CPQ: variants seen among roughly 807,000 people sequenced by gnomAD.
The protein encoded by CPQ is carboxypeptidase Q.
Under a neutral mutation model 45.7 loss-of-function variants are expected in CPQ, and 37 were observed. The ratio of observed to expected loss-of-function variants is 0.81; its 90% CI spans 0.62 to 1.07. The LOEUF (loss-of-function observed/expected upper bound fraction) is 1.07. Ranked by LOEUF, CPQ falls within the 50% of genes least tolerant of loss-of-function variation. The pLI, the probability that CPQ is intolerant of heterozygous loss-of-function variation, is 0.00. For synonymous variants in CPQ, 186 were observed against 205.8 expected (o/e 0.90, Z 0.82); for missense variants, 537 against 572.9 (o/e 0.94, Z 0.64).
chr8:96,738,923 G>A (rs1287839971), intron 1 of CPQ, among the ~76,000 whole-genome samples: 1 of 151,814 alleles, frequency 6.6e-6, no homozygotes, highest in Non-Finnish European at 1.5e-5. Flanking sequence ...ATAAACATAG[G>A]TGTGCATGTG....
chr8:97,130,059 A>G (rs1292874488), intron 7 of CPQ, among the ~76,000 whole-genome samples: 1 of 152,254 alleles, frequency 6.6e-6, no homozygotes, highest in Non-Finnish European at 1.5e-5. Flanking sequence ...ACCTCTTTAC[A>G]GCAGCTGGAT....
chr8:96,828,724 C>G (rs1362872017), intron 2 of CPQ, among the ~76,000 whole-genome samples: 2 of 152,002 alleles, frequency 1.3e-5, no homozygotes, highest in Non-Finnish European at 2.9e-5. Flanking sequence ...AAGGAAACAC[C>G]CAGTGATTAG....
At chr8:96,786,900 T>C (rs1373253147) in intron 2 of CPQ, among the ~76,000 whole-genome samples, 1 of 152,182 alleles carries the variant, frequency 6.6e-6, no homozygotes, top group Non-Finnish European at 1.5e-5. Context: ...TTTTAAAAGC[T>C]TTTTTAATGT....
At chr8:96,880,954 A>G (rs1334417980) in intron 4 of CPQ, among the ~76,000 whole-genome samples, 1 of 152,148 alleles carries the variant, frequency 6.6e-6, no homozygotes, top group Non-Finnish European at 1.5e-5. Context: ...TTGACTGAAG[A>G]AGGGCAGGAG....
intron 1 of CPQ, among the ~76,000 whole-genome samples, chr8:96,695,529 G>A (rs1015313477): frequency 5.3e-5 from 8 of 151,954 alleles, no homozygotes; most frequent in Non-Finnish European, 1.0e-4. Flanking sequence ...GAAAATTTTC[G>A]CAACCTACTC....
At chr8:96,991,066 A>G (rs1055201831) in intron 5 of CPQ, among the ~76,000 whole-genome samples, 1 of 152,178 alleles carries the variant, frequency 6.6e-6, no homozygotes, top group Non-Finnish European at 1.5e-5. Flanking sequence ...CTTGAGGCAG[A>G]GTGCCTTGGT....
intron 2 of CPQ, among the ~76,000 whole-genome samples, chr8:96,792,564 ATTATG>A (rs1810862302): frequency 6.6e-6 from 1 of 152,116 alleles, no homozygotes; most frequent in African/African-American, 2.4e-5. Flanking sequence ...TGTATGCCAT[ATTATG>A]TTATGTTTTA....
intron 4 of CPQ, among the ~76,000 whole-genome samples, chr8:96,904,843 T>A (rs1257631167): frequency 6.6e-6 from 1 of 152,116 alleles, no homozygotes; most frequent in Non-Finnish European, 1.5e-5. Context: ...ACAGTTCACA[T>A]GAAATAGAAT....
At chr8:96,703,460 A>G (rs995718702) in intron 1 of CPQ, among the ~76,000 whole-genome samples, 1 of 152,186 alleles carries the variant, frequency 6.6e-6, no homozygotes. Flanking sequence ...AGTAACACTC[A>G]AAATTTACAA....
intron 3 of CPQ, among the ~76,000 whole-genome samples, chr8:96,860,482 C>T (rs1458475596): frequency 3.3e-5 from 5 of 152,096 alleles, no homozygotes; most frequent in Non-Finnish European, 7.4e-5. Context: ...AATACCTTTT[C>T]CAATTCTCTG....
intron 4 of CPQ, among the ~76,000 whole-genome samples, chr8:96,883,623 G>T (rs1206876887): frequency 6.6e-6 from 1 of 152,168 alleles, no homozygotes; most frequent in Non-Finnish European, 1.5e-5. Context: ...GCCTGGAACC[G>T]CAGGGGACAT....
intron 4 of CPQ, among the ~76,000 whole-genome samples, chr8:96,920,484 A>C (rs1812791430): frequency 6.6e-6 from 1 of 152,134 alleles, no homozygotes; most frequent in African/African-American, 2.4e-5. Flanking sequence ...CATTGTGCTA[A>C]TTAGTCAGCC....
At chr8:96,887,902 T>C (rs182967008) in intron 4 of CPQ, among the ~76,000 whole-genome samples, 64 of 152,230 alleles carry the variant, frequency 4.2e-4, no homozygotes, top group African/African-American at 1.5e-3. Flanking sequence ...ACAAATTCAG[T>C]TTTATATGCC....
intron 3 of CPQ, among the ~76,000 whole-genome samples, chr8:96,854,530 CAAAAAAAAAAAAA>C (rs1156706371): frequency 3.5e-4 from 3 of 8,692 alleles, no homozygotes; most frequent in Admixed American, 2.3e-3. Flanking sequence ...GACTCCGTCT[CAAAAAAAAAAAAA>C]AAAAAAAAAA....
At chr8:96,702,485 G>A (rs1809476963) in intron 1 of CPQ, among the ~76,000 whole-genome samples, 1 of 152,194 alleles carries the variant, frequency 6.6e-6, no homozygotes, top group Admixed American at 6.5e-5. Flanking sequence ...GAAAGTTTAA[G>A]ATAATATCCC....
intron 7 of CPQ, among the ~76,000 whole-genome samples, chr8:97,121,586 T>G (rs919584857): frequency 3.3e-5 from 5 of 152,090 alleles, no homozygotes; most frequent in African/African-American, 1.2e-4. Flanking sequence ...AGACAGACAC[T>G]CAACATGTAA....
At chr8:97,107,466 C>G (rs1030461801) in intron 7 of CPQ, among the ~76,000 whole-genome samples, 4 of 152,250 alleles carry the variant, frequency 2.6e-5, no homozygotes, top group African/African-American at 9.6e-5. Flanking sequence ...CTTCTTCAAA[C>G]AACGATCCCC....
chr8:96,919,147 GGTT>G (rs1251235667), intron 4 of CPQ, among the ~76,000 whole-genome samples: 2 of 151,540 alleles, frequency 1.3e-5, no homozygotes, highest in Non-Finnish European at 2.9e-5. Context: ...TTGTGCTGTT[GGTT>G]GTTGTGAGAG....
chr8:96,857,336 C>T (rs1042156422), intron 3 of CPQ, among the ~76,000 whole-genome samples: 7 of 152,144 alleles, frequency 4.6e-5, no homozygotes, highest in African/African-American at 9.7e-5. Flanking sequence ...CACACAAAAA[C>T]CCCCGCCTCC....
Sources: gnomAD v4.1 joint callset for allele counts (sites outside exome capture counted in the v4.1 genomes callset) on GRCh38, gnomAD v4.1.1 for gene constraint, MANE v1.5 for transcripts, NCBI Gene and HGNC (gene_info 2026-07-23, HGNC 2026-07-21) for gene names.